RSRC1: variants seen among roughly 807,000 people sequenced by gnomAD.
The protein encoded by RSRC1 is arginine and serine rich coiled-coil 1.
Under a neutral mutation model 49.1 loss-of-function variants are expected in RSRC1, and 39 were observed. The ratio of observed to expected loss-of-function variants is 0.79; its 90% CI spans 0.61 to 1.04. The LOEUF (loss-of-function observed/expected upper bound fraction) is 1.04, where lower values mean the gene tolerates loss of function less well. Among genes scored for constraint, RSRC1 ranks in the 50% least tolerant of loss-of-function variants. RSRC1 has a pLI of 0.00. For missense variants in RSRC1, 388 were observed against 402.4 expected (o/e 0.96, Z 0.31); for synonymous variants, 143 against 130.8 (o/e 1.09, Z -0.63).
intron 7 of RSRC1, 53 bp downstream of exon 7, chr3:158,461,056 C>T (rs1394685504): frequency 7.5e-7 from 1 of 1,328,402 alleles, no homozygotes; most frequent in Non-Finnish European, 1.1e-6. Flanking sequence ...GCTGTATTTC[C>T]TGAATAGACC....
intron 4 of RSRC1, 49 bp from the exon 5 acceptor site, chr3:158,297,990 G>A (rs1449583621): frequency 2.3e-6 from 3 of 1,326,492 alleles, no homozygotes; most frequent in Non-Finnish European, 3.3e-6. Flanking sequence ...ACAAATTAGA[G>A]CAGACAAGGA....
At chr3:158,238,943 G>T (rs1005008702) in intron 4 of RSRC1, among the ~76,000 whole-genome samples, 2 of 152,020 alleles carry the variant, frequency 1.3e-5, no homozygotes, top group Non-Finnish European at 2.9e-5. Flanking sequence ...CTACAGAATG[G>T]GAGAAATTTT....
At chr3:158,184,692 A>G (rs915329048) in intron 3 of RSRC1, among the ~76,000 whole-genome samples, 2 of 152,150 alleles carry the variant, frequency 1.3e-5, no homozygotes, top group African/African-American at 4.8e-5. Context: ...TATGTTTTAC[A>G]TAGTTGTATG....
At chr3:158,272,311 T>C (rs1725566808) in intron 4 of RSRC1, among the ~76,000 whole-genome samples, 1 of 152,156 alleles carries the variant, frequency 6.6e-6, no homozygotes, top group African/African-American at 2.4e-5. Context: ...GTGATTATCT[T>C]GTTAACTCTT....
chr3:158,270,398 G>A (rs1359972350), intron 4 of RSRC1, among the ~76,000 whole-genome samples: 2 of 152,184 alleles, frequency 1.3e-5, no homozygotes, highest in African/African-American at 2.4e-5. Context: ...CACCCTGTAT[G>A]GGGACTGATT....
intron 4 of RSRC1, among the ~76,000 whole-genome samples, chr3:158,262,034 T>C (rs1239053792): frequency 1.3e-5 from 2 of 152,214 alleles, no homozygotes; most frequent in Admixed American, 1.3e-4. Flanking sequence ...TCATGAAACC[T>C]GGTTCTTGGT....
chr3:158,291,612 T>G (rs1726939376), intron 4 of RSRC1, among the ~76,000 whole-genome samples: 1 of 152,184 alleles, frequency 6.6e-6, no homozygotes, highest in Admixed American at 6.5e-5. Flanking sequence ...ATCAAGTAAT[T>G]TAAGTTATTT....
intron 5 of RSRC1, among the ~76,000 whole-genome samples, chr3:158,327,433 C>T (rs1729229254): frequency 6.6e-6 from 1 of 152,168 alleles, no homozygotes; most frequent in South Asian, 2.1e-4. Context: ...TATGTTGTGT[C>T]TTTGTTCTCA....
intron 4 of RSRC1, among the ~76,000 whole-genome samples, chr3:158,251,620 C>T (rs1420823952): frequency 1.3e-5 from 2 of 151,940 alleles, no homozygotes; most frequent in African/African-American, 4.8e-5. Context: ...TCAGAATGTT[C>T]ACTTTTGGCA....
chr3:158,313,072 G>T (rs140575227), intron 5 of RSRC1, among the ~76,000 whole-genome samples: 1 of 151,776 alleles, frequency 6.6e-6, no homozygotes, highest in Admixed American at 6.6e-5. Flanking sequence ...TTTTCCCTTT[G>T]TTCAAAATAT....
chr3:158,360,949 T>TG lies in RSRC1; in HGVS notation c.583+6046dup, dbSNP rs567440593. 1.8e-4 allele frequency among the ~76,000 whole-genome samples: 27 copies of TG among 152,122 alleles called. No individual in the cohort carries two copies. The East Asian group carries it at 2.9e-3, about 16-fold the overall frequency. On this transcript the variant is annotated intron_variant, in intron 6 of 9. Coordinates refer to ENST00000611884, the MANE Select transcript of RSRC1 (RefSeq NM_001271838.2). Reference sequence around the variant, plus strand: ...AGCTGCGCCCCCTCACAGCCTGGGGTGGGGGTTCCAGGTTCTCACTGGGCC... The same window carrying TG: ...AGCTGCGCCCCCTCACAGCCTGGGGTGGGGGGTTCCAGGTTCTCACTGGGCC...
chr3:158,241,743 A>C (rs1723592784), intron 4 of RSRC1, among the ~76,000 whole-genome samples: 1 of 152,036 alleles, frequency 6.6e-6, no homozygotes, highest in Admixed American at 6.6e-5. Flanking sequence ...AAATCACTGA[A>C]GATGGCTCAT....
intron 5 of RSRC1, among the ~76,000 whole-genome samples, chr3:158,301,235 A>G (rs1309256563): frequency 6.6e-6 from 1 of 152,070 alleles, no homozygotes; most frequent in Non-Finnish European, 1.5e-5. Flanking sequence ...CATAAAGCCT[A>G]TGCCTTTTTA....
intron 6 of RSRC1, among the ~76,000 whole-genome samples, chr3:158,406,697 T>G (rs549132749): frequency 6.6e-6 from 1 of 152,062 alleles, no homozygotes; most frequent in Non-Finnish European, 1.5e-5. Flanking sequence ...TTCAAAAAGA[T>G]AGTAAGCAGC....
At chr3:158,371,082 T>C (rs1028972897) in intron 6 of RSRC1, among the ~76,000 whole-genome samples, 7 of 151,910 alleles carry the variant, frequency 4.6e-5, no homozygotes, top group African/African-American at 1.7e-4. Context: ...CTGTATACTT[T>C]CTGAAGTATC....
chr3:158,346,781 G>A (rs1173711548), intron 5 of RSRC1, among the ~76,000 whole-genome samples: 1 of 152,172 alleles, frequency 6.6e-6, no homozygotes, highest in African/African-American at 2.4e-5. Context: ...TTACCCAAGA[G>A]ATATGAAAGC....
intron 7 of RSRC1, among the ~76,000 whole-genome samples, chr3:158,489,152 G>C (rs1331142804): frequency 6.6e-6 from 1 of 152,078 alleles, no homozygotes; most frequent in African/African-American, 2.4e-5. Context: ...TTGTTATCTC[G>C]TCACTAAAAG....
intron 4 of RSRC1, among the ~76,000 whole-genome samples, chr3:158,229,852 A>C (rs556435433): frequency 7.2e-5 from 11 of 151,996 alleles, no homozygotes; most frequent in Non-Finnish European, 1.6e-4. Context: ...CTTTAGCCCT[A>C]ATATTTCTGT....
At chr3:158,410,412 T>C (rs1344539065) in intron 6 of RSRC1, among the ~76,000 whole-genome samples, 3 of 152,196 alleles carry the variant, frequency 2.0e-5, no homozygotes, top group African/African-American at 4.8e-5. Flanking sequence ...CACCTAACAC[T>C]AGGTTATAAC....
Sources: allele counts gnomAD v4.1 joint callset (sites outside exome capture counted in the v4.1 genomes callset), GRCh38; gene constraint gnomAD v4.1.1; transcripts MANE v1.5; gene names NCBI Gene and HGNC (gene_info 2026-07-23, HGNC 2026-07-21).